ZFHX3: variants seen among roughly 807,000 people sequenced by gnomAD.
The protein encoded by ZFHX3 is zinc finger homeobox protein 3.
ZFHX3 carries 42 observed loss-of-function variants against 279.1 expected under a neutral mutation model. The observed-to-expected ratio is 0.15, with a 90% CI of 0.12 to 0.19. ZFHX3 has a LOEUF of 0.19. Ranked by LOEUF, ZFHX3 falls within the 10% of genes least tolerant of loss-of-function variation. ZFHX3 has a pLI of 1.00. For synonymous variants in ZFHX3, 2,293 were observed against 1,957.8 expected, an observed-to-expected ratio of 1.17 and a Z score of -4.52; for missense variants, 4,981 against 4,754.0, an observed-to-expected ratio of 1.05 and a Z score of -1.40.
At chr16:72,956,911 G>A (rs1961277148) in intron 2 of ZFHX3, among the ~76,000 whole-genome samples, 1 of 151,800 alleles carries the variant, frequency 6.6e-6, no homozygotes, top group Admixed American at 6.6e-5. Flanking sequence ...TGGTTCCCTA[G>A]CTCGGCACAG....
At chr16:73,459,782 A>C (rs908404669) in intron 2 of ZFHX3, among the ~76,000 whole-genome samples, 28 of 152,174 alleles carry the variant, frequency 1.8e-4, no homozygotes, top group Non-Finnish European at 3.2e-4. Context: ...AGGTGGCAGG[A>C]AGGAGAAGTG....
chr16:73,047,438 C>G (rs971893036), intron 1 of ZFHX3, among the ~76,000 whole-genome samples: 2 of 152,130 alleles, frequency 1.3e-5, no homozygotes, highest in African/African-American at 4.8e-5. Context: ...CGGAGGCACC[C>G]AAACTTCTAA....
intron 1 of ZFHX3, among the ~76,000 whole-genome samples, chr16:73,884,382 A>T (rs1433486353): frequency 2.0e-5 from 3 of 152,238 alleles, no homozygotes; most frequent in Admixed American, 2.0e-4. Flanking sequence ...ATGCTAATGC[A>T]ATTTTTTCCA....
At chr16:73,416,223 C>A (rs2017578582) in intron 3 of ZFHX3, among the ~76,000 whole-genome samples, 1 of 151,882 alleles carries the variant, frequency 6.6e-6, no homozygotes, top group Non-Finnish European at 1.5e-5. Context: ...ACACAGTGAG[C>A]ACAGACTGGG....
chr16:73,481,059 G>C (rs189468043), intron 2 of ZFHX3, among the ~76,000 whole-genome samples: 6 of 152,182 alleles, frequency 3.9e-5, no homozygotes, highest in Admixed American at 2.6e-4. Context: ...GGCTGGGTGT[G>C]GTGGCTCACA....
intron 3 of ZFHX3, among the ~76,000 whole-genome samples, chr16:73,328,627 C>T (rs1270882050): frequency 2.0e-5 from 3 of 152,160 alleles, no homozygotes; most frequent in Non-Finnish European, 2.9e-5. Context: ...ATCCAGAGTT[C>T]TCTCTCAGCT....
At chr16:72,864,577 C>G (rs927960682) in intron 4 of ZFHX3, among the ~76,000 whole-genome samples, 4 of 152,288 alleles carry the variant, frequency 2.6e-5, no homozygotes, top group Admixed American at 6.5e-5. Context: ...ACAAGTAAAG[C>G]TTTGAAATCT....
chr16:73,147,852 A>T (rs1056973737), intron 5 of ZFHX3, among the ~76,000 whole-genome samples: 2 of 152,154 alleles, frequency 1.3e-5, no homozygotes, highest in African/African-American at 4.8e-5. Context: ...AGCCTCGGTG[A>T]CAGAGCGAGA....
intron 4 of ZFHX3, among the ~76,000 whole-genome samples, chr16:73,289,138 G>A (rs2014705891): frequency 6.6e-6 from 1 of 151,518 alleles, no homozygotes; most frequent in Admixed American, 6.6e-5. Flanking sequence ...AAATGGGAGA[G>A]GTCCTCCAAT....
rs202225037 is a variant in ZFHX3, at chr16:72,795,394, G to A, written c.7288C>T (p.Pro2430Ser). The A allele has an allele frequency of 1.2e-6, 2 of 1,614,122 alleles. No individual in the cohort carries two copies. Among genetic ancestry groups the A allele is most frequent in the East Asian group, 4.5e-5 (2 of 44,870 alleles). ...NSKTEAGDEK[P>S]KLAEAPSAQP... ...GCACTGGGAGCTTCCGCCAGCTTTG[G>A]TTTCTCATCGCCTGCCTCTGTTTTT... The change falls in exon 9 of 10, where the codon CCA (proline) becomes TCA (serine). Residue 2430 changes from proline (P) to serine (S), a missense_variant. Transcript: ENST00000268489.
intron 2 of ZFHX3, among the ~76,000 whole-genome samples, chr16:73,557,959 G>A (rs1013851194): frequency 5.3e-5 from 8 of 152,156 alleles, no homozygotes; most frequent in Non-Finnish European, 7.3e-5. Context: ...GTGGAAGCAC[G>A]ACATCTCAGT....
At chr16:73,040,369 G>C (rs1965066965) in intron 1 of ZFHX3, among the ~76,000 whole-genome samples, 1 of 152,200 alleles carries the variant, frequency 6.6e-6, no homozygotes, top group Non-Finnish European at 1.5e-5. Flanking sequence ...GGAGGCACAT[G>C]ATAATTAACT....
At chr16:73,636,503 T>C (rs536006465) in intron 2 of ZFHX3, among the ~76,000 whole-genome samples, 10 of 152,104 alleles carry the variant, frequency 6.6e-5, no homozygotes, top group Non-Finnish European at 1.5e-4. Context: ...GTCTACCTGA[T>C]AAAACATCAC....
At chr16:73,458,276 T>C (rs1352143236) in intron 2 of ZFHX3, among the ~76,000 whole-genome samples, 1 of 151,622 alleles carries the variant, frequency 6.6e-6, no homozygotes, top group Non-Finnish European at 1.5e-5. Context: ...CTTTCTTTCT[T>C]TCTCTCTTTC....
intron 1 of ZFHX3, among the ~76,000 whole-genome samples, chr16:73,774,951 C>G (rs1195095141): frequency 1.3e-5 from 2 of 152,150 alleles, no homozygotes; most frequent in East Asian, 1.9e-4. Flanking sequence ...TTACGTCTCC[C>G]TATCTCCAAT....
At chr16:72,996,740 G>T (rs1233976655) in intron 1 of ZFHX3, among the ~76,000 whole-genome samples, 1 of 152,210 alleles carries the variant, frequency 6.6e-6, no homozygotes, top group Non-Finnish European at 1.5e-5. Flanking sequence ...TAAGCTGCTG[G>T]ATGCTAAGGA....
intron 5 of ZFHX3, among the ~76,000 whole-genome samples, chr16:73,199,510 A>G (rs1192408347): frequency 6.6e-6 from 1 of 152,168 alleles, no homozygotes; most frequent in Non-Finnish European, 1.5e-5. Context: ...CGTCCTTGGG[A>G]GTTTCCCACC....
chr16:73,841,414 G>A (rs1299846123), intron 1 of ZFHX3, among the ~76,000 whole-genome samples: 1 of 152,144 alleles, frequency 6.6e-6, no homozygotes, highest in Non-Finnish European at 1.5e-5. Context: ...TGGCGGACCA[G>A]GAATCATAAC....
Position 72,797,799 on chromosome 16 carries a change from T to G in ZFHX3, c.4883A>C (p.Lys1628Thr). The part of the protein sequence containing the change: ...VLHQTKARAA[K>T]LEAASGSSNG... ...GCTGCTGCCACTTGCAGCCTCCAGC[T>G]TGGCTGCCCGGGCCTTGGTTTGATG... The change falls in exon 9 of 10, where the codon AAG becomes ACG. Residue 1628 changes from lysine to threonine, a missense_variant. Coordinates refer to ENST00000268489, the MANE Select transcript of ZFHX3 (RefSeq NM_006885.4). 1.2e-6 allele frequency: 2 copies of G among 1,614,154 alleles called. No homozygotes were observed. The highest frequency in any genetic ancestry group is 1.7e-6 in the Non-Finnish European group (2 of 1,180,040).
Sources: gnomAD v4.1 joint callset for allele counts (sites outside exome capture counted in the v4.1 genomes callset) on GRCh38, gnomAD v4.1.1 for gene constraint, MANE v1.5 for transcripts, NCBI Gene and HGNC (gene_info 2026-07-23, HGNC 2026-07-21) for gene names.